EXOC3L4: variants seen among roughly 807,000 people sequenced by gnomAD.
EXOC3L4 encodes exocyst complex component 3 like 4, also known as exocyst complex component 3-like protein 4.
In EXOC3L4, 62 loss-of-function variants were observed where a neutral mutation model predicts 69.7. The ratio of observed to expected loss-of-function variants is 0.89; its 90% CI spans 0.72 to 1.10. The LOEUF (loss-of-function observed/expected upper bound fraction) is 1.10. Ranked by LOEUF, EXOC3L4 falls within the 50% of genes least tolerant of loss-of-function variation. The probability of loss-of-function intolerance (pLI) is 0.00; values close to 1 mark genes in which losing one functional copy is unlikely to be tolerated. For missense variants in EXOC3L4, 1,087 were observed against 1,034.8 expected (o/e 1.05, Z -0.69); for synonymous variants, 502 against 464.2 (o/e 1.08, Z -1.05).
At position 103,097,669 on chromosome 14, in the gene EXOC3L4, A is replaced by G. The variant is rs537555979; in HGVS notation, c.-16-2535A>G. Among the ~76,000 whole-genome samples, 645 of 152,326 alleles carry G rather than the reference A, an allele frequency of 4.2e-3. 7 individuals are homozygous for G. Among genetic ancestry groups the G allele is most frequent in the Non-Finnish European group, 3.5e-3 (238 of 68,020 alleles). ...AGGAGGGCCACATCATCACAGGGAC[A>G]GTGCCGAGTACCCACTGAGCAGATA... On this transcript the variant is annotated intron_variant, in intron 1 of 11. Transcript: ENST00000688303. The surrounding 1 kb of genome is among the most constrained non-coding windows in gnomAD (Gnocchi z 4.9).
In EXOC3L4 at chr14:103,107,643, G is replaced by A. The variant is rs1890643531; in HGVS notation, c.1714G>A (p.Glu572Lys). ...ARPRAQETLQ[E>K]VHRFVVREYL... Reference sequence around the variant, plus strand: ...CTGGGCCGCCCAGGAGACTCTGCAGGAGGTGCACCGGTTCGTGGTCCGCGA... The same window carrying A: ...CTGGGCCGCCCAGGAGACTCTGCAGAAGGTGCACCGGTTCGTGGTCCGCGA... The change falls in exon 10 of 12, where the codon GAG becomes AAG. Residue 572 changes from glutamate to lysine, a missense_variant. Coordinates refer to ENST00000688303, the MANE Select transcript of EXOC3L4 (RefSeq NM_001077594.2). The A allele has an allele frequency of 6.3e-7, 1 of 1,587,144 alleles. No individual in the cohort carries two copies. The highest frequency in any genetic ancestry group is 8.6e-7 in the Non-Finnish European group (1 of 1,165,674).
chr14:103,104,158 C>A, intron 4 of EXOC3L4, 106 bp downstream of exon 4: 1 of 1,446,962 alleles, frequency 6.9e-7, no homozygotes, highest in Non-Finnish European at 9.1e-7. Context: ...TCTGGTTCAC[C>A]CTGTGGCCCC....
chr14:103,099,046 G>A (rs991160475), intron 1 of EXOC3L4, among the ~76,000 whole-genome samples: 11 of 152,154 alleles, frequency 7.2e-5, no homozygotes, highest in Admixed American at 2.0e-4. Context: ...CACACTTCCT[G>A]CCCGATGTCA....
chr14:103,104,197 G>T, intron 4 of EXOC3L4, 70 bp from the exon 5 acceptor site: 1 of 1,471,452 alleles, frequency 6.8e-7, no homozygotes, highest in Non-Finnish European at 9.0e-7. Flanking sequence ...CGACAGGGCG[G>T]CCCTCATCCC....
intron 1 of EXOC3L4, among the ~76,000 whole-genome samples, chr14:103,096,649 C>T (rs976789470): frequency 2.0e-5 from 3 of 152,108 alleles, no homozygotes; most frequent in Non-Finnish European, 2.9e-5. Flanking sequence ...AGTTGCAAGC[C>T]CCATGTTTAA....
chr14:103,104,261 C>T lies in EXOC3L4; in HGVS notation c.1162-6C>T. ...TCTCACCACGGCCCATCCCTTCTCC[C>T]CCCAGGCCAAGATCGCAAGCTGCTT... On this transcript the variant is annotated splice_polypyrimidine_tract_variant and splice_region_variant and intron_variant, in intron 4 of 11. Coordinates refer to ENST00000688303, the MANE Select transcript of EXOC3L4 (RefSeq NM_001077594.2). 1 of 1,582,784 alleles carries T rather than the reference C, an allele frequency of 6.3e-7. No individual in the cohort carries two copies. Among genetic ancestry groups the T allele is most frequent in the Non-Finnish European group, 8.6e-7 (1 of 1,166,214 alleles).
chr14:103,101,744 C>A (rs899783683), intron 2 of EXOC3L4, among the ~76,000 whole-genome samples: 1 of 152,206 alleles, frequency 6.6e-6, no homozygotes, highest in Non-Finnish European at 1.5e-5. Context: ...AAGCTGGACA[C>A]GGGCAGGACA....
chr14:103,096,688 G>A (rs1889903254), intron 1 of EXOC3L4, among the ~76,000 whole-genome samples: 1 of 152,210 alleles, frequency 6.6e-6, no homozygotes, highest in Non-Finnish European at 1.5e-5. Context: ...TCCCAGCTAG[G>A]CTTAGGCATT....
intron 5 of EXOC3L4, 58 bp from the exon 6 acceptor site, chr14:103,104,679 GA>G: frequency 7.2e-7 from 1 of 1,380,242 alleles, no homozygotes; most frequent in East Asian, 2.7e-5. Context: ...GCTACCAGGG[GA>G]CCCGCGGCCT....
At chr14:103,104,208 G>T in intron 4 of EXOC3L4, 59 bp from the exon 5 acceptor site, 1 of 1,482,234 alleles carries the variant, frequency 6.7e-7, no homozygotes. Flanking sequence ...CCCTCATCCC[G>T]GACGGCGCGG....
In EXOC3L4 at chr14:103,100,499, G is replaced by C; in HGVS notation, c.280G>C (p.Gly94Arg). ...FRSFRQALND[G>R]PATGHSQATP... is the part of the protein sequence containing the mutation. The stretch of plus-strand genomic sequence containing the variant: ...GTCCTTCCGGCAAGCCCTGAATGAC[G>C]GCCCAGCTACCGGCCATTCCCAGGC... The change falls in exon 2 of 12, where the codon GGC becomes CGC. Residue 94 changes from glycine to arginine, a missense_variant. Gly to Arg is a moderately radical substitution (Grantham distance 125). Coordinates refer to ENST00000688303, the MANE Select transcript of EXOC3L4 (RefSeq NM_001077594.2). 1.2e-6 allele frequency: 2 copies of C among 1,613,034 alleles called. No homozygotes were observed. The highest frequency in any genetic ancestry group is 1.7e-6 in the Non-Finnish European group (2 of 1,179,874).
At position 103,102,284 on chromosome 14, in the gene EXOC3L4, C is replaced by A; in HGVS notation, c.561C>A (p.Asp187Glu). 2 of 1,578,812 alleles carry A rather than the reference C, an allele frequency of 1.3e-6. No individual in the cohort carries two copies. The highest frequency in any genetic ancestry group is 2.3e-5 in the South Asian group (2 of 87,718). ...CTATGGACGTGTGCCTGCTTTACGA[C>A]GGGCTGGCAGCCGAGATCGGCGCCA... ...RRAMDVCLLY[D>E]GLAAEIGAIV... Residue 187 changes from aspartate to glutamate, a missense_variant, in exon 3 of 12, where the codon GAC (aspartate) becomes GAA (glutamate). Transcript: ENST00000688303.
intron 1 of EXOC3L4, among the ~76,000 whole-genome samples, chr14:103,098,162 G>C (rs1468643950): frequency 5.3e-5 from 8 of 152,092 alleles, no homozygotes; most frequent in African/African-American, 1.9e-4. Flanking sequence ...TGACCCCCAA[G>C]CCTCTGCCTA....
rs747016106 is a variant in EXOC3L4 at position 103,105,086 on chromosome 14, G to T, written c.1466+14G>T. ...CGAGGAGCTCAGGTAGGGCTCGCCC[G>T]CTCCTGTGCGGGCGCAGCGTGGCCA... On this transcript the variant is annotated intron_variant, in intron 7 of 11. Transcript: ENST00000688303. 6.3e-6 allele frequency: 10 copies of T among 1,588,794 alleles called. No individual in the cohort carries two copies. In the South Asian group the frequency reaches 1.1e-4, roughly 18 times the overall value.
At chr14:103,105,473 T>C (rs1007316924) in intron 7 of EXOC3L4, among the ~76,000 whole-genome samples, 7 of 152,042 alleles carry the variant, frequency 4.6e-5, no homozygotes, top group African/African-American at 1.7e-4. Context: ...GTCTTGTGTG[T>C]GTGTGTCCAT....
chr14:103,100,896 C>T (rs541892313), intron 2 of EXOC3L4, among the ~76,000 whole-genome samples: 30 of 143,494 alleles, frequency 2.1e-4, no homozygotes, highest in African/African-American at 6.8e-4. Context: ...CCACTGCACC[C>T]GGCTAATTTT....
rs529672161 is a variant in EXOC3L4, at chr14:103,110,144, C to T, written c.2090C>T (p.Ala697Val). Reference sequence around the variant, plus strand: ...AGAGCTGCGGCCGGGGCGGCGGGTGCGGAGGCCCCTCGGGGCCGCGTGCTC... The same window carrying T: ...AGAGCTGCGGCCGGGGCGGCGGGTGTGGAGGCCCCTCGGGGCCGCGTGCTC... ...LLRAAAGAAG[A>V]EAPRGRVLFE... Residue 697 changes from alanine (A) to valine (V), a missense_variant, in exon 12 of 12, where the codon GCG (alanine) becomes GTG (valine). Physicochemically the swap from Ala to Val is moderately conservative, Grantham distance 64. Coordinates refer to ENST00000688303, the MANE Select transcript of EXOC3L4 (RefSeq NM_001077594.2). 19 of 1,549,034 alleles carry T rather than the reference C, an allele frequency of 1.2e-5. No homozygotes were observed. The highest frequency in any genetic ancestry group is 1.5e-5 in the Non-Finnish European group (17 of 1,146,410).
In EXOC3L4 at chr14:103,102,413, C is replaced by G; in HGVS notation, c.690C>G (p.Asp230Glu). The G allele has an allele frequency of 6.5e-7, 1 of 1,532,842 alleles. No individual in the cohort carries two copies. The highest frequency in any genetic ancestry group is 2.5e-5 in the East Asian group (1 of 39,296). The allele number at this position is 1,532,842 out of a possible 1,614,324, so 95.0% of individuals were successfully genotyped here. The change falls in exon 3 of 12, where the codon GAC (aspartate) becomes GAG (glutamate). Residue 230 changes from aspartate to glutamate, a missense_variant. Transcript: ENST00000688303. ...AEEEAHPSPPDDGDFLRTPRR... is the reference protein window; with the variant it reads ...AEEEAHPSPPEDGDFLRTPRR... The stretch of plus-strand genomic sequence containing the variant: ...AGGAAGCCCACCCTTCTCCCCCCGA[C>G]GACGGCGACTTCCTGCGCACGCCGC...
chr14:103,102,393 G>A lies in EXOC3L4; in HGVS notation c.670G>A (p.Ala224Thr), dbSNP rs1346727064. 1.3e-6 allele frequency: 2 copies of A among 1,547,420 alleles called. No homozygotes were observed. The highest frequency in any genetic ancestry group is 1.7e-6 in the Non-Finnish European group (2 of 1,154,744). ...LARVVSAEEEAHPSPPDDGDF... is the reference protein window; with the variant it reads ...LARVVSAEEETHPSPPDDGDF... ...CCGCGTGGTGAGCGCGGAGGAGGAA[G>A]CCCACCCTTCTCCCCCCGACGACGG... The change falls in exon 3 of 12, where the codon GCC becomes ACC. Residue 224 changes from alanine (A) to threonine (T), a missense_variant. Ala to Thr is a moderately conservative substitution (Grantham distance 58). Transcript: ENST00000688303.
Sources: gnomAD v4.1 joint callset for allele counts (sites outside exome capture counted in the v4.1 genomes callset) on GRCh38, gnomAD v4.1.1 for gene constraint, Gnocchi (gnomAD v3.1) non-coding constraint, MANE v1.5 for transcripts, NCBI Gene and HGNC (gene_info 2026-07-23, HGNC 2026-07-21) for gene names.